CA10: variants seen among roughly 807,000 people sequenced by gnomAD.
CA10 encodes the protein carbonic anhydrase-related protein 10.
A neutral mutation model predicts 44.2 loss-of-function variants in CA10; 14 were observed. The ratio of observed to expected loss-of-function variants is 0.32; its 90% CI spans 0.21 to 0.50. The LOEUF (loss-of-function observed/expected upper bound fraction) is 0.50, where lower values mean the gene tolerates loss of function less well. Among genes scored for constraint, CA10 ranks in the 20% least tolerant of loss-of-function variants. The pLI is 0.99. For synonymous variants in CA10, 159 were observed against 141.6 expected, an observed-to-expected ratio of 1.12 and a Z score of -0.87; for missense variants, 350 against 409.7, an observed-to-expected ratio of 0.85 and a Z score of 1.26.
Position 51,630,388 on chromosome 17 carries a change from G to T in CA10, c.*1196C>A, listed in dbSNP as rs1050549908. 1.1e-4 allele frequency: 17 copies of T among 152,604 alleles called. No individual in the cohort carries two copies. The highest frequency in any genetic ancestry group is 4.1e-4 in the African/African-American group (17 of 41,438). The allele number at this position is 152,604 out of a possible 1,614,324, so 9.5% of individuals were successfully genotyped here. On this transcript the variant is annotated 3_prime_UTR_variant, in exon 9 of 9. Coordinates refer to ENST00000451037, the MANE Select transcript of CA10 (RefSeq NM_020178.5). ...CACAGTGAGTGACCATTATAAACAAGAAAAGAAAGGCATTCGTTTTGTACT... is the reference window on the plus strand; with the variant it reads ...CACAGTGAGTGACCATTATAAACAATAAAAGAAAGGCATTCGTTTTGTACT...
At chr17:51,990,807 C>T (rs1451553272) in intron 2 of CA10, among the ~76,000 whole-genome samples, 1 of 152,042 alleles carries the variant, frequency 6.6e-6, no homozygotes, top group Non-Finnish European at 1.5e-5. Flanking sequence ...TCTTTGTACC[C>T]TTAGGTGGAT....
chr17:51,636,817 TTCTC>T (rs964076651), intron 6 of CA10, among the ~76,000 whole-genome samples: 2 of 114,480 alleles, frequency 1.7e-5, no homozygotes, highest in Non-Finnish European at 3.7e-5. Context: ...GTGTGTATTT[TTCTC>T]TCTCTCAGGT....
chr17:51,650,206 G>C (rs758041395), intron 5 of CA10, among the ~76,000 whole-genome samples: 15 of 151,950 alleles, frequency 9.9e-5, no homozygotes, highest in East Asian at 7.7e-4. Context: ...ATAAGAAAAG[G>C]GTTTTCTTAA....
At chr17:52,097,010 A>G (rs1002739857) in intron 1 of CA10, among the ~76,000 whole-genome samples, 1 of 152,218 alleles carries the variant, frequency 6.6e-6, no homozygotes, top group Non-Finnish European at 1.5e-5. Context: ...ACAAATAAAT[A>G]GCTGGATCCA....
At chr17:51,907,779 G>A (rs1981621672) in intron 3 of CA10, among the ~76,000 whole-genome samples, 1 of 152,106 alleles carries the variant, frequency 6.6e-6, no homozygotes, top group Non-Finnish European at 1.5e-5. Flanking sequence ...AGCCTTTGTT[G>A]AGCCTGCTTC....
intron 6 of CA10, among the ~76,000 whole-genome samples, chr17:51,646,794 G>A (rs947475007): frequency 3.3e-5 from 5 of 152,170 alleles, no homozygotes; most frequent in African/African-American, 7.2e-5. Context: ...CATTTCTGCC[G>A]CAGTGTCCTG....
intron 2 of CA10, among the ~76,000 whole-genome samples, chr17:51,950,826 T>G (rs565141937): frequency 6.6e-6 from 1 of 152,316 alleles, no homozygotes; most frequent in Admixed American, 6.5e-5. Context: ...ATTGATAGTC[T>G]GATTCCTCCC....
intron 2 of CA10, among the ~76,000 whole-genome samples, chr17:52,064,016 G>C (rs556431106): frequency 6.6e-6 from 1 of 152,302 alleles, no homozygotes; most frequent in East Asian, 1.9e-4. Flanking sequence ...TAATAAAAAG[G>C]CATGTTATAC....
chr17:51,706,646 G>A (rs1262841392), intron 4 of CA10, among the ~76,000 whole-genome samples: 3 of 152,128 alleles, frequency 2.0e-5, no homozygotes, highest in Non-Finnish European at 4.4e-5. Context: ...CCTGCTTGAA[G>A]ATGTCTGATG....
At chr17:51,996,251 T>C (rs1314916008) in intron 2 of CA10, among the ~76,000 whole-genome samples, 2 of 151,952 alleles carry the variant, frequency 1.3e-5, no homozygotes, top group Non-Finnish European at 2.9e-5. Context: ...TCATCATCCA[T>C]CCTGTCCTCC....
At chr17:51,649,506 A>G (rs921250632) in intron 5 of CA10, among the ~76,000 whole-genome samples, 1 of 152,208 alleles carries the variant, frequency 6.6e-6, no homozygotes, top group Non-Finnish European at 1.5e-5. Flanking sequence ...CATTGGTGTA[A>G]TGATGTTGGA....
chr17:51,676,594 C>T (rs1270975581), intron 4 of CA10, among the ~76,000 whole-genome samples: 1 of 152,200 alleles, frequency 6.6e-6, no homozygotes, highest in Admixed American at 6.5e-5. Context: ...GATGTAGGTG[C>T]AGTGTTACCC....
chr17:51,792,889 A>C (rs966069348), intron 3 of CA10, among the ~76,000 whole-genome samples: 8 of 152,200 alleles, frequency 5.3e-5, no homozygotes, highest in African/African-American at 1.9e-4. Flanking sequence ...TATACGGTAT[A>C]TATTATTGCC....
intron 1 of CA10, among the ~76,000 whole-genome samples, chr17:52,078,096 T>A (rs963746211): frequency 6.6e-6 from 1 of 152,180 alleles, no homozygotes; most frequent in Admixed American, 6.5e-5. Flanking sequence ...TGTGAGTAGA[T>A]CCCTATCATT....
chr17:51,654,903 A>G (rs1466824800), intron 4 of CA10, among the ~76,000 whole-genome samples: 2 of 150,908 alleles, frequency 1.3e-5, no homozygotes, highest in African/African-American at 4.9e-5. Flanking sequence ...AAAAAACGTG[A>G]TGCCCCCCCC....
chr17:51,850,143 A>C (rs767524295), intron 3 of CA10, among the ~76,000 whole-genome samples: 1 of 152,244 alleles, frequency 6.6e-6, no homozygotes, highest in Non-Finnish European at 1.5e-5. Context: ...GAGATCTATG[A>C]GAAATAAACT....
intron 4 of CA10, among the ~76,000 whole-genome samples, chr17:51,709,181 T>C (rs1000964690): frequency 6.6e-6 from 1 of 152,270 alleles, no homozygotes; most frequent in Non-Finnish European, 1.5e-5. Context: ...CAAATATATT[T>C]TGAGCACTTA....
At chr17:51,717,861 A>ACACG (rs1213647793) in intron 4 of CA10, among the ~76,000 whole-genome samples, 2 of 106,752 alleles carry the variant, frequency 1.9e-5, no homozygotes, top group African/African-American at 3.8e-5. Flanking sequence ...ATATATATAT[A>ACACG]TATATATACA....
chr17:51,922,702 CA>C (rs2143975316), intron 3 of CA10, among the ~76,000 whole-genome samples: 1 of 152,246 alleles, frequency 6.6e-6, no homozygotes, highest in East Asian at 1.9e-4. Flanking sequence ...AAGAGCTTCC[CA>C]ATCCACTAGA....
Sources: allele counts gnomAD v4.1 joint callset (sites outside exome capture counted in the v4.1 genomes callset), GRCh38; gene constraint gnomAD v4.1.1; transcripts MANE v1.5; gene names NCBI Gene and HGNC (gene_info 2026-07-23, HGNC 2026-07-21).